The following PTPRN variants were observed in gnomAD, a reference collection of about 807,000 sequenced individuals.
The protein encoded by PTPRN is protein tyrosine phosphatase receptor type N.
Under a neutral mutation model 108.5 loss-of-function variants are expected in PTPRN, and 70 were observed. The observed-to-expected ratio is 0.65, with a 90% CI of 0.53 to 0.79. The LOEUF (loss-of-function observed/expected upper bound fraction) is 0.79. Ranked by LOEUF, PTPRN falls within the 30% of genes least tolerant of loss-of-function variation. PTPRN has a pLI of 0.00. For missense variants in PTPRN, 1,136 were observed against 1,295.5 expected (o/e 0.88, Z 1.89); for synonymous variants, 496 against 524.6 (o/e 0.95, Z 0.75).
rs907637426 is a variant in PTPRN, at chr2:219,291,588, A to T, written c.2676-65T>A. ...CAGAGAGGGAAAGGGAAGCTGAAACACATGACGTGGGCCTCTCTTTCTTCC... is the reference window on the plus strand; with the variant it reads ...CAGAGAGGGAAAGGGAAGCTGAAACTCATGACGTGGGCCTCTCTTTCTTCC... On this transcript the variant is annotated intron_variant, in intron 19 of 22. Transcript: ENST00000295718. The T allele has an allele frequency of 4.7e-6, 7 of 1,488,094 alleles. No homozygotes were observed. The African/African-American group carries it at 9.7e-5, about 21-fold the overall frequency. The allele number at this position is 1,488,094 out of a possible 1,614,324, so 92.2% of individuals were successfully genotyped here. A position where few individuals can be genotyped will look rare whatever the true frequency, so the allele number is the denominator to read the frequency against.
intron 10 of PTPRN, 156 bp from the exon 11 acceptor site, chr2:219,299,540 G>C: frequency 8.9e-7 from 1 of 1,118,312 alleles, no homozygotes. Context: ...GCTGGGTGGG[G>C]CCAGCAACGG....
intron 19 of PTPRN, 159 bp from the exon 20 acceptor site, chr2:219,291,682 G>T (rs559268257): frequency 2.7e-6 from 2 of 744,666 alleles, no homozygotes; most frequent in Non-Finnish European, 2.2e-6. Flanking sequence ...TGGAGGCAAA[G>T]AACCAGAGCT....
At chr2:219,308,954 G>T in intron 1 of PTPRN, 1 of 1,465,328 alleles carries the variant, frequency 6.8e-7, no homozygotes, top group Non-Finnish European at 9.1e-7. Context: ...CTGCCCACAT[G>T]CACCCCGTGT....
At chr2:219,306,315 C>T (rs1015957435) in intron 3 of PTPRN, among the ~76,000 whole-genome samples, 2 of 152,202 alleles carry the variant, frequency 1.3e-5, no homozygotes, top group Non-Finnish European at 2.9e-5. Context: ...TTGGCCCCAT[C>T]CACATTCATC....
chr2:219,295,877 C>T lies in PTPRN; in HGVS notation c.2508+349G>A, dbSNP rs567286047. 1.6e-5 allele frequency: 4 copies of T among 242,814 alleles called. No individual in the cohort carries two copies. The East Asian group carries it at 4.0e-4, about 25-fold the overall frequency. 15.0% of individuals were successfully genotyped at this position (242,814 alleles called of 1,614,324 possible). On this transcript the variant is annotated intron_variant, in intron 18 of 22. Coordinates refer to ENST00000295718, the MANE Select transcript of PTPRN (RefSeq NM_002846.4). ...CCTTATCTTCCCTGTCTAATATACA[C>T]TTAGCTGTTAGCTTCTTACCTCGGT...
At chr2:219,298,811 A>G (rs998874905) in intron 12 of PTPRN, among the ~76,000 whole-genome samples, 7 of 152,264 alleles carry the variant, frequency 4.6e-5, no homozygotes, top group Admixed American at 1.3e-4. Flanking sequence ...GGGCGGCTCA[A>G]CTAGTTCTCA....
Position 219,290,421 on chromosome 2 carries a change from G to C in PTPRN, c.2868+117C>G. ...CCCCTGGGAGGAAGGGAGCCCTCCT[G>C]GAGGAGGCGCAGAAGCAGGTGGGAA... is the stretch of plus-strand genomic sequence containing the variant. On this transcript the variant is annotated intron_variant, in intron 22 of 22. Transcript: ENST00000295718. This position sits in a 1 kb window ranked among gnomAD's most constrained non-coding sequence, Gnocchi z 4.2. 1 of 1,382,046 alleles carries C rather than the reference G, an allele frequency of 7.2e-7. No individual in the cohort carries two copies. The highest frequency in any genetic ancestry group is 1.2e-5 in the South Asian group (1 of 80,514). 85.6% of individuals were successfully genotyped at this position (1,382,046 alleles called of 1,614,324 possible).
intron 12 of PTPRN, among the ~76,000 whole-genome samples, chr2:219,298,326 G>A (rs1952254472): frequency 1.3e-5 from 2 of 152,212 alleles, no homozygotes; most frequent in Non-Finnish European, 2.9e-5. Flanking sequence ...CACCAGGAGT[G>A]TTTGCATTTA....
chr2:219,302,131 T>C lies in PTPRN; in HGVS notation c.994+6A>G. ...ACAGGGAGGTGGATGCTGAGGACCT[T>C]GTTACCTGGCTGCACAGCTGGGGAA... On this transcript the variant is annotated splice_donor_region_variant and intron_variant, in intron 6 of 22. Transcript: ENST00000295718. 1 of 1,566,956 alleles carries C rather than the reference T, an allele frequency of 6.4e-7. No homozygotes were observed. The highest frequency in any genetic ancestry group is 2.3e-5 in the East Asian group (1 of 44,250).
At chr2:219,302,114 G>A (rs1254718031) in intron 6 of PTPRN, 23 bp downstream of exon 6, 14 of 1,541,974 alleles carry the variant, frequency 9.1e-6, no homozygotes, top group Non-Finnish European at 1.2e-5. Context: ...TCACAGGGAG[G>A]TGGATGCTGA....
Position 219,296,721 on chromosome 2 carries a change from G to A in PTPRN, c.2310+28C>T, listed in dbSNP as rs188958636. The A allele has an allele frequency of 2.0e-3, 3,253 of 1,612,230 alleles. 2 individuals are homozygous for A. Among genetic ancestry groups the A allele is most frequent in the Non-Finnish European group, 2.5e-3 (2,944 of 1,178,974 alleles). On this transcript the variant is annotated intron_variant, in intron 16 of 22. Transcript: ENST00000295718. The surrounding 1 kb of genome is among the most constrained non-coding windows in gnomAD (Gnocchi z 6.0). ...AGGGCCAGGATAATGATGGGGCAGA[G>A]GTGGGGGCTGGAGTCAGGGCCACTC... is the stretch of plus-strand genomic sequence containing the variant.
chr2:219,307,691 G>T, intron 2 of PTPRN, 101 bp downstream of exon 2: 1 of 1,493,050 alleles, frequency 6.7e-7, no homozygotes, highest in Non-Finnish European at 9.3e-7. Context: ...TTCTTCTCAA[G>T]CCCAGTAGCC....
chr2:219,308,873 T>C, intron 1 of PTPRN: 1 of 1,335,298 alleles, frequency 7.5e-7, no homozygotes, highest in Non-Finnish European at 9.9e-7. Context: ...CCTCAGCGCC[T>C]GTCACCACCT....
At position 219,296,905 on chromosome 2, in the gene PTPRN, G is replaced by T; in HGVS notation, c.2236+80C>A. ...CTCTGCCACTCAGCCTGAGCCAGAA[G>T]CCCAACCCCTTACCCCAAGCCCTCC... On this transcript the variant is annotated intron_variant, in intron 15 of 22. Coordinates refer to ENST00000295718, the MANE Select transcript of PTPRN (RefSeq NM_002846.4). The surrounding 1 kb of genome is among the most constrained non-coding windows in gnomAD (Gnocchi z 6.0). The T allele has an allele frequency of 1.2e-6, 2 of 1,612,464 alleles. No individual in the cohort carries two copies. Among genetic ancestry groups the T allele is most frequent in the Non-Finnish European group, 1.7e-6 (2 of 1,178,890 alleles).
At position 219,296,240 on chromosome 2, in the gene PTPRN, A is replaced by G. The variant is rs1012253572; in HGVS notation, c.2494T>C (p.Tyr832His). 1.4e-5 allele frequency: 23 copies of G among 1,614,028 alleles called. No individual in the cohort carries two copies. Among genetic ancestry groups the G allele is most frequent in the Non-Finnish European group, 1.9e-5 (23 of 1,180,028 alleles). The change falls in exon 18 of 23, where the codon TAC becomes CAC. Residue 832 changes from tyrosine to histidine, a missense_variant. Physicochemically the swap from Tyr to His is moderately conservative, Grantham distance 83. Transcript: ENST00000295718. This position sits in a 1 kb window ranked among gnomAD's most constrained non-coding sequence, Gnocchi z 6.0. ...GCCCTGCTGACCTCATATACGTGGT[A>G]GAGGGAGGCACCCTCATCTGGCCAG... ...RYWPDEGASL[Y>H]HVYEVNLVSE...
chr2:219,297,941 G>T lies in PTPRN; in HGVS notation c.1831C>A (p.Arg611Ser). Residue 611 changes from arginine (R) to serine (S), a missense_variant, in exon 13 of 23, where the codon CGC becomes AGC. Arg to Ser is a moderately radical substitution (Grantham distance 110). Coordinates refer to ENST00000295718, the MANE Select transcript of PTPRN (RefSeq NM_002846.4). The surrounding 1 kb of genome is among the most constrained non-coding windows in gnomAD (Gnocchi z 6.0). ...RQHARQQDKE[R>S]LAALGPEGAH... ...CCCTCAGGCCCCAGGGCTGCCAGGCGCTCCTTGTCTTGCTGCCGCGCATGC... is the reference window on the plus strand; with the variant it reads ...CCCTCAGGCCCCAGGGCTGCCAGGCTCTCCTTGTCTTGCTGCCGCGCATGC... The T allele has an allele frequency of 1.2e-6, 2 of 1,613,362 alleles. No individual in the cohort carries two copies. Among genetic ancestry groups the T allele is most frequent in the Admixed American group, 1.7e-5 (1 of 59,988 alleles).
At chr2:219,294,536 G>GACGGAGAGGGATGAAGGAGGGACGGA (rs1952131213) in intron 19 of PTPRN, among the ~76,000 whole-genome samples, 2 of 150,942 alleles carry the variant, frequency 1.3e-5, no homozygotes, top group African/African-American at 4.9e-5. Context: ...ATGAAGGAGG[G>GACGGAGAGGGATGAAGGAGGGACGGA]GAGACGGGCA....
rs1559292160 is a variant in PTPRN at position 219,291,537 on chromosome 2, T to C, written c.2676-14A>G. 1.3e-5 allele frequency: 21 copies of C among 1,613,492 alleles called. No homozygotes were observed. Among genetic ancestry groups the C allele is most frequent in the Non-Finnish European group, 1.5e-5 (18 of 1,179,826 alleles). On this transcript the variant is annotated splice_polypyrimidine_tract_variant and intron_variant, in intron 19 of 22. Coordinates refer to ENST00000295718, the MANE Select transcript of PTPRN (RefSeq NM_002846.4). ...TTGTTCACCTTCCTGCAACAAGAAATGGGTGTGAGGGCCAGTGGGCACCAG... is the reference window on the plus strand; with the variant it reads ...TTGTTCACCTTCCTGCAACAAGAAACGGGTGTGAGGGCCAGTGGGCACCAG...
intron 2 of PTPRN, 88 bp downstream of exon 2, chr2:219,307,704 C>T (rs1952518916): frequency 4.6e-6 from 7 of 1,531,732 alleles, no homozygotes; most frequent in South Asian, 4.5e-5. Context: ...CAGTAGCCCT[C>T]TTCCTTTCTG....
Sources: gnomAD v4.1 joint callset for allele counts (sites outside exome capture counted in the v4.1 genomes callset) on GRCh38, gnomAD v4.1.1 for gene constraint, Gnocchi (gnomAD v3.1) non-coding constraint, MANE v1.5 for transcripts, NCBI Gene and HGNC (gene_info 2026-07-23, HGNC 2026-07-21) for gene names.